The following IGFL2 variants were observed in gnomAD, a reference collection of about 807,000 sequenced individuals.
IGFL2 encodes IGF like family member 2, also known as insulin growth factor-like family member 2.
Under a neutral mutation model 13.9 loss-of-function variants are expected in IGFL2, and 7 were observed. The ratio of observed to expected loss-of-function variants is 0.51; its 90% CI spans 0.29 to 0.95. IGFL2 has a LOEUF of 0.95. Ranked by LOEUF, IGFL2 falls within the 40% of genes least tolerant of loss-of-function variation. The probability of loss-of-function intolerance (pLI) is 0.08; values close to 1 mark genes in which losing one functional copy is unlikely to be tolerated. For synonymous variants in IGFL2, 55 were observed against 55.8 expected, an observed-to-expected ratio of 0.99 and a Z score of 0.07; for missense variants, 138 against 147.8, an observed-to-expected ratio of 0.93 and a Z score of 0.34.
At chr19:46,115,940 C>G in the IGFL2 span, among the ~76,000 whole-genome samples, 1 of 152,178 alleles carries the variant, frequency 6.6e-6, no homozygotes, top group Non-Finnish European at 1.5e-5. Flanking sequence ...CGGCTGACAG[C>G]TTCCTTGCTC....
chr19:46,094,034 A>ATTTT, the IGFL2 span, among the ~76,000 whole-genome samples: 9 of 114,220 alleles, frequency 7.9e-5, no homozygotes, highest in East Asian at 2.6e-4. Context: ...GCCTTGGAGG[A>ATTTT]TTTTTTTTTT....
chr19:46,140,926 C>T (rs2146802005), upstream of IGFL2, among the ~76,000 whole-genome samples: 1 of 152,276 alleles, frequency 6.6e-6, no homozygotes, highest in South Asian at 2.1e-4. Flanking sequence ...AAATCTCCTT[C>T]ATGGTCTGGC....
At chr19:46,126,985 A>G in the IGFL2 span, among the ~76,000 whole-genome samples, 1 of 152,180 alleles carries the variant, frequency 6.6e-6, no homozygotes, top group Non-Finnish European at 1.5e-5. Flanking sequence ...GAAACTTAGT[A>G]TATTTATGAG....
At chr19:46,149,328 C>T (rs1973345252) in intron 1 of IGFL2, among the ~76,000 whole-genome samples, 1 of 126,144 alleles carries the variant, frequency 7.9e-6, no homozygotes, top group Admixed American at 8.0e-5. Flanking sequence ...CCCTCCCCAT[C>T]TCCCTGTGTC....
chr19:46,201,574 A>G, the IGFL2 span, among the ~76,000 whole-genome samples: 6 of 152,188 alleles, frequency 3.9e-5, no homozygotes, highest in African/African-American at 1.2e-4. Context: ...CCTGAGGACA[A>G]TCTGTGTTCC....
chr19:46,179,228 T>G, the IGFL2 span, among the ~76,000 whole-genome samples: 1 of 114,914 alleles, frequency 8.7e-6, no homozygotes. Flanking sequence ...GGTCATGGGG[T>G]GGGGAGTCTG....
chr19:46,125,642 C>T, the IGFL2 span, among the ~76,000 whole-genome samples: 1 of 152,174 alleles, frequency 6.6e-6, no homozygotes, highest in Admixed American at 6.5e-5. Flanking sequence ...CAGCCTGTAC[C>T]ATAGCCTTTG....
At chr19:46,199,225 TGCTTGGATTA>T in the IGFL2 span, among the ~76,000 whole-genome samples, 1 of 152,228 alleles carries the variant, frequency 6.6e-6, no homozygotes, top group Non-Finnish European at 1.5e-5. Flanking sequence ...GACCGTGTCT[TGCTTGGATTA>T]GAAAGTGAGA....
chr19:46,212,561 C>T, the IGFL2 span: 2 of 152,212 alleles, frequency 1.3e-5, no homozygotes, highest in Non-Finnish European at 2.9e-5. Flanking sequence ...GGAAATCACA[C>T]ACCCGACCCT....
At chr19:46,166,876 C>T in the IGFL2 span, among the ~76,000 whole-genome samples, 1 of 152,184 alleles carries the variant, frequency 6.6e-6, no homozygotes, top group South Asian at 2.1e-4. Context: ...TTGCTGTTAT[C>T]CTGTTCTTTT....
the IGFL2 span, among the ~76,000 whole-genome samples, chr19:46,081,281 C>T: frequency 6.6e-6 from 1 of 152,198 alleles, no homozygotes; most frequent in Non-Finnish European, 1.5e-5. Context: ...TAACTTATTA[C>T]TTTAAAATAA....
At chr19:46,151,343 G>A (rs1973477542) in intron 1 of IGFL2, among the ~76,000 whole-genome samples, 1 of 152,130 alleles carries the variant, frequency 6.6e-6, no homozygotes. Flanking sequence ...AGCACCATTT[G>A]TTGAAAAATC....
the IGFL2 span, among the ~76,000 whole-genome samples, chr19:46,085,750 T>C: frequency 6.6e-6 from 1 of 152,340 alleles, no homozygotes; most frequent in Admixed American, 6.5e-5. Flanking sequence ...GTTTTTGTGG[T>C]GGCTGGTAAT....
the IGFL2 span, chr19:46,137,394 A>C: frequency 2.0e-5 from 21 of 1,064,434 alleles, no homozygotes; most frequent in African/African-American, 2.8e-4. Context: ...GTTTGCTGGG[A>C]CAACAGTGCT....
chr19:46,093,366 T>C, the IGFL2 span, among the ~76,000 whole-genome samples: 2,051 of 152,312 alleles, frequency 0.013, 31 homozygotes, highest in Middle Eastern at 0.027. Flanking sequence ...CAGAATAAAA[T>C]GCATTCTCAG....
chr19:46,176,192 A>T, the IGFL2 span, among the ~76,000 whole-genome samples: 1 of 150,722 alleles, frequency 6.6e-6, no homozygotes, highest in South Asian at 2.1e-4. Context: ...GCCAAAAAAA[A>T]AAAAAGAAAA....
At chr19:46,098,494 T>G in the IGFL2 span, among the ~76,000 whole-genome samples, 7 of 150,824 alleles carry the variant, frequency 4.6e-5, no homozygotes, top group Admixed American at 4.6e-4. Flanking sequence ...TTTTTTTTTT[T>G]TTTGAGATGG....
the IGFL2 span, among the ~76,000 whole-genome samples, chr19:46,093,623 G>A: frequency 2.2e-4 from 34 of 152,226 alleles, no homozygotes; most frequent in African/African-American, 5.8e-4. Flanking sequence ...CATTATTGCC[G>A]ATGTAGAAAA....
chr19:46,195,548 C>T, the IGFL2 span, among the ~76,000 whole-genome samples: 2 of 152,092 alleles, frequency 1.3e-5, no homozygotes, highest in Admixed American at 1.3e-4. Flanking sequence ...TGCTTATATA[C>T]ACGCAAAGAC....
Sources: allele counts gnomAD v4.1 joint callset (sites outside exome capture counted in the v4.1 genomes callset), GRCh38; gene constraint gnomAD v4.1.1; transcripts MANE v1.5; gene names NCBI Gene and HGNC (gene_info 2026-07-23, HGNC 2026-07-21).